The following MMEL1 variants were observed in gnomAD, a reference collection of about 807,000 sequenced individuals.
The protein encoded by MMEL1 is membrane metalloendopeptidase like 1, also known as membrane metallo-endopeptidase-like 1.
MMEL1 carries 98 observed loss-of-function variants against 117.1 expected under a neutral mutation model. The ratio of observed to expected loss-of-function variants is 0.84; its 90% CI spans 0.71 to 0.99. The LOEUF is 0.99. MMEL1 is among the 50% of genes least tolerant of loss of function. The pLI, the probability that MMEL1 is intolerant of heterozygous loss-of-function variation, is 0.00. For synonymous variants in MMEL1, 390 were observed against 415.1 expected (o/e 0.94, Z 0.74); for missense variants, 1,014 against 1,049.1 (o/e 0.97, Z 0.46).
rs879541213 is a variant in MMEL1 at position 2,604,508 on chromosome 1, A to C, written c.817-227T>G. Among the ~76,000 whole-genome samples the C allele has an allele frequency of 2.9e-4, 44 of 152,188 alleles. 2 individuals are homozygous for C. Among genetic ancestry groups the C allele is most frequent in the Admixed American group, 2.6e-3 (39 of 15,286 alleles). On this transcript the variant is annotated intron_variant, in intron 9 of 23. Coordinates refer to ENST00000378412, the MANE Select transcript of MMEL1 (RefSeq NM_033467.4). ...GGGTACCTAGTCTGCAGGGCTGCTC[A>C]GGGCTTAAACTGTGTGGCTGCCTAT...
rs769730779 is a variant in MMEL1 at position 2,598,254 on chromosome 1, C to G, written c.1225G>C (p.Gly409Arg). 2.0e-5 allele frequency: 33 copies of G among 1,614,098 alleles called. No individual in the cohort carries two copies. The highest frequency in any genetic ancestry group is 2.8e-5 in the Non-Finnish European group (33 of 1,180,020). The change falls in exon 13 of 24, where the codon GGT becomes CGT. Residue 409 changes from glycine (G) to arginine (R), a missense_variant. Gly to Arg is a moderately radical substitution (Grantham distance 125). Coordinates refer to ENST00000378412, the MANE Select transcript of MMEL1 (RefSeq NM_033467.4). ...LVWRLVLDRI[G>R]SLSQRFKDTR... ...TCCTTGAATCTCTGGCTTAGGCTAC[C>G]AATGCGGTCCAGCACCAGGCGCCAG...
At chr1:2,622,328 G>A (rs781238291) in intron 2 of MMEL1, among the ~76,000 whole-genome samples, 3 of 152,286 alleles carry the variant, frequency 2.0e-5, no homozygotes, top group South Asian at 2.1e-4. Context: ...CCGGTCCTGC[G>A]GCCTTGGTTG....
intron 2 of MMEL1, among the ~76,000 whole-genome samples, chr1:2,623,390 C>T (rs979440468): frequency 6.6e-6 from 1 of 152,080 alleles, no homozygotes; most frequent in African/African-American, 2.4e-5. Context: ...TCCTTCCGTA[C>T]AAGAAAAAGC....
At chr1:2,594,028 G>A in intron 18 of MMEL1, 95 bp from the exon 19 acceptor site, 1 of 1,433,256 alleles carries the variant, frequency 7.0e-7, no homozygotes, top group Non-Finnish European at 9.3e-7. Context: ...TCTGACACTT[G>A]ATCCCACAGA....
At chr1:2,620,162 T>C (rs1262682834) in intron 2 of MMEL1, among the ~76,000 whole-genome samples, 1 of 152,102 alleles carries the variant, frequency 6.6e-6, no homozygotes, top group East Asian at 1.9e-4. Context: ...AAAGAGAACA[T>C]AGCTCAAGGA....
chr1:2,611,230 G>A, intron 4 of MMEL1, 51 bp downstream of exon 4: 1 of 1,522,916 alleles, frequency 6.6e-7, no homozygotes, highest in South Asian at 1.2e-5. Flanking sequence ...GTGTCAGCCG[G>A]GAGCCCCCAG....
chr1:2,598,706 C>G lies in MMEL1; in HGVS notation c.1126G>C (p.Gly376Arg), dbSNP rs753712061. The G allele has an allele frequency of 2.5e-6, 4 of 1,614,082 alleles. No homozygotes were observed. Among genetic ancestry groups the G allele is most frequent in the Non-Finnish European group, 3.4e-6 (4 of 1,179,994 alleles). ...LLPDEEVVVYGIPYLQNLENI... is the reference protein window; with the variant it reads ...LLPDEEVVVYRIPYLQNLENI... ...TCAAGGTTCTGCAGGTAGGGGATGC[C>G]ATAGACCACCACTTCCTCATCTGGC... Residue 376 changes from glycine (G) to arginine (R), a missense_variant, in exon 12 of 24, where the codon GGC becomes CGC. Coordinates refer to ENST00000378412, the MANE Select transcript of MMEL1 (RefSeq NM_033467.4).
At chr1:2,623,039 C>G (rs983891530) in intron 2 of MMEL1, among the ~76,000 whole-genome samples, 1 of 151,040 alleles carries the variant, frequency 6.6e-6, no homozygotes, top group South Asian at 2.1e-4. Flanking sequence ...TGTGATGGCA[C>G]GCACCTGTAG....
intron 2 of MMEL1, among the ~76,000 whole-genome samples, chr1:2,623,708 G>A (rs957537525): frequency 1.1e-4 from 17 of 152,358 alleles, no homozygotes; most frequent in Middle Eastern, 3.4e-3. Flanking sequence ...CCCAGATGCC[G>A]ATGAGAAAGG....
At chr1:2,624,210 A>T (rs1299614262) in intron 2 of MMEL1, among the ~76,000 whole-genome samples, 1 of 152,168 alleles carries the variant, frequency 6.6e-6, no homozygotes, top group East Asian at 1.9e-4. Flanking sequence ...CTTGGGGAGG[A>T]TGCCCTCTGT....
intron 18 of MMEL1, 199 bp downstream of exon 18, chr1:2,594,186 C>T: frequency 1.3e-6 from 1 of 778,900 alleles, no homozygotes; most frequent in Non-Finnish European, 2.1e-6. Context: ...CTCTGGGCCG[C>T]CTGCCAAGTC....
At position 2,629,588 on chromosome 1, in the gene MMEL1, A is replaced by C. The variant is rs1638448687; in HGVS notation, c.-37-67T>G. Reference sequence around the variant, plus strand: ...CTCCCCGAGCCCGGCCCGAGGCTGGAAGGGCCGGATGCTGGCTGGGAGCGG... The same window carrying C: ...CTCCCCGAGCCCGGCCCGAGGCTGGCAGGGCCGGATGCTGGCTGGGAGCGG... On this transcript the variant is annotated intron_variant, in intron 1 of 23. Transcript: ENST00000378412. The C allele has an allele frequency of 2.5e-5, 33 of 1,332,436 alleles. No individual in the cohort carries two copies. The South Asian group carries it at 5.3e-4, about 21-fold the overall frequency. The allele number at this position is 1,332,436 out of a possible 1,614,324, so 82.5% of individuals were successfully genotyped here.
intron 17 of MMEL1, 37 bp from the exon 18 acceptor site, chr1:2,594,480 C>G: frequency 6.4e-7 from 1 of 1,550,858 alleles, no homozygotes; most frequent in African/African-American, 1.4e-5. Flanking sequence ...AGCCGCCTCT[C>G]CGGGGACCCT....
In MMEL1 at chr1:2,595,132, G is replaced by C; in HGVS notation, c.1584+144C>G. 1 of 756,696 alleles carries C rather than the reference G, an allele frequency of 1.3e-6. No individual in the cohort carries two copies. The highest frequency in any genetic ancestry group is 2.2e-6 in the Non-Finnish European group (1 of 454,940). The allele number at this position is 756,696 out of a possible 1,614,324, so 46.9% of individuals were successfully genotyped here. The stretch of plus-strand genomic sequence containing the variant: ...CATCTGTACACTGAGGGTAGTGCTG[G>C]AGCCACCACCCTAGGGCACGGTGAG... On this transcript the variant is annotated intron_variant, in intron 16 of 23. Transcript: ENST00000378412. This position sits in a 1 kb window ranked among gnomAD's most constrained non-coding sequence, Gnocchi z 4.8.
chr1:2,598,831 G>C, intron 11 of MMEL1, 41 bp from the exon 12 acceptor site: 1 of 1,551,726 alleles, frequency 6.4e-7, no homozygotes, highest in East Asian at 2.3e-5. Flanking sequence ...GAGAGAGAGA[G>C]AGGGAGAAAC....
At chr1:2,594,112 G>T in intron 18 of MMEL1, 179 bp from the exon 19 acceptor site, 2 of 906,712 alleles carry the variant, frequency 2.2e-6, no homozygotes, top group Non-Finnish European at 3.2e-6. Flanking sequence ...GCGGGCTCGT[G>T]CCTGGCAGAC....
intron 3 of MMEL1, 100 bp from the exon 4 acceptor site, chr1:2,611,440 G>A: frequency 2.8e-6 from 2 of 706,178 alleles, no homozygotes; most frequent in East Asian, 6.6e-5. Context: ...TGTGGCATGG[G>A]GATGGGCATA....
intron 11 of MMEL1, among the ~76,000 whole-genome samples, chr1:2,600,536 GAAAAAA>G (rs56126904): frequency 2.7e-5 from 4 of 150,484 alleles, no homozygotes; most frequent in Admixed American, 6.6e-5. Context: ...CTGTTTCTGG[GAAAAAA>G]AAAAAAATCA....
intron 2 of MMEL1, among the ~76,000 whole-genome samples, chr1:2,623,951 G>A (rs1340424720): frequency 6.6e-6 from 1 of 152,178 alleles, no homozygotes; most frequent in Admixed American, 6.5e-5. Context: ...AGATCCTTGT[G>A]GGCCCAGAAT....
Sources: gnomAD v4.1 joint callset for allele counts (sites outside exome capture counted in the v4.1 genomes callset) on GRCh38, gnomAD v4.1.1 for gene constraint, Gnocchi (gnomAD v3.1) non-coding constraint, MANE v1.5 for transcripts, NCBI Gene and HGNC (gene_info 2026-07-23, HGNC 2026-07-21) for gene names.